GALNT10: variants seen among roughly 807,000 people sequenced by gnomAD.
GALNT10 encodes the protein GalNAc transferase 10.
Under a neutral mutation model 75.0 loss-of-function variants are expected in GALNT10, and 41 were observed. The ratio of observed to expected loss-of-function variants is 0.55; its 90% CI spans 0.43 to 0.71. The LOEUF (loss-of-function observed/expected upper bound fraction) is 0.71. Among genes scored for constraint, GALNT10 ranks in the 30% least tolerant of loss-of-function variants. GALNT10 has a pLI of 0.00. For missense variants in GALNT10, 727 were observed against 818.5 expected, an observed-to-expected ratio of 0.89 and a Z score of 1.36; for synonymous variants, 302 against 313.0, an observed-to-expected ratio of 0.96 and a Z score of 0.37.
chr5:154,251,958 ATAAAT>A (rs1191073877), intron 1 of GALNT10, among the ~76,000 whole-genome samples: 1 of 151,394 alleles, frequency 6.6e-6, no homozygotes, highest in African/African-American at 2.4e-5. Context: ...TCATAAATAT[ATAAAT>A]TAAAGACTGT....
intron 4 of GALNT10, among the ~76,000 whole-genome samples, chr5:154,343,331 G>A (rs1450115025): frequency 6.6e-6 from 1 of 152,210 alleles, no homozygotes; most frequent in Non-Finnish European, 1.5e-5. Flanking sequence ...CTGACACCCA[G>A]AGAGGGGAAA....
intron 1 of GALNT10, among the ~76,000 whole-genome samples, chr5:154,236,869 G>A (rs910870165): frequency 4.6e-5 from 7 of 152,224 alleles, no homozygotes; most frequent in African/African-American, 1.4e-4. Flanking sequence ...GCCAGGCTGC[G>A]CTGTGCCCTT....
At position 154,351,468 on chromosome 5, in the gene GALNT10, C is replaced by T. The variant is rs998300287; in HGVS notation, c.568+21730C>T. Among the ~76,000 whole-genome samples the T allele has an allele frequency of 8.5e-5, 13 of 152,318 alleles. No homozygotes were observed. The East Asian group carries it at 9.6e-4, about 11-fold the overall frequency. ...CACAGAAGATTTCTGTGTTTTACTG[C>T]TTGCTTTTATGTGTTTTCCAAATTT... is the stretch of plus-strand genomic sequence containing the variant. On this transcript the variant is annotated intron_variant, in intron 4 of 11. Coordinates refer to ENST00000297107, the MANE Select transcript of GALNT10 (RefSeq NM_198321.4).
intron 1 of GALNT10, among the ~76,000 whole-genome samples, chr5:154,197,838 G>A (rs954625559): frequency 4.6e-5 from 7 of 152,180 alleles, no homozygotes; most frequent in East Asian, 3.9e-4. Context: ...ACTGAAGCTC[G>A]AAGAGGGGCA....
intron 10 of GALNT10, among the ~76,000 whole-genome samples, chr5:154,415,447 CA>C (rs1327243216): frequency 4.6e-5 from 7 of 152,182 alleles, no homozygotes; most frequent in Non-Finnish European, 1.5e-5. Context: ...AAGTGATTCT[CA>C]TTGCCTCAGC....
chr5:154,277,197 T>C (rs1753965032), intron 1 of GALNT10, among the ~76,000 whole-genome samples: 1 of 151,950 alleles, frequency 6.6e-6, no homozygotes, highest in African/African-American at 2.4e-5. Context: ...GGGTCTCTCA[T>C]ATCCTTGGGG....
In GALNT10 at chr5:154,386,302, T is replaced by A. The variant is rs1227258536; in HGVS notation, c.939-11T>A. 1.2e-6 allele frequency: 2 copies of A among 1,603,314 alleles called. No individual in the cohort carries two copies. The highest frequency in any genetic ancestry group is 1.7e-6 in the Non-Finnish European group (2 of 1,170,670). ...TCTGCACCTTCACACCATGTTCTTC[T>A]TCTCTGACAGGTCTCCCGTGATGGC... On this transcript the variant is annotated splice_polypyrimidine_tract_variant and intron_variant, in intron 6 of 11. Transcript: ENST00000297107.
chr5:154,405,887 TA>T (rs397765761), intron 8 of GALNT10, among the ~76,000 whole-genome samples: 1 of 149,766 alleles, frequency 6.7e-6, no homozygotes, highest in African/African-American at 2.5e-5. Flanking sequence ...TTTTTTTTTT[TA>T]AAAGGCCCAC....
At chr5:154,265,786 G>A (rs1269903303) in intron 1 of GALNT10, among the ~76,000 whole-genome samples, 1 of 152,038 alleles carries the variant, frequency 6.6e-6, no homozygotes, top group Non-Finnish European at 1.5e-5. Flanking sequence ...AAGCAGGTGG[G>A]TTTTCGGTTT....
At chr5:154,283,893 C>A (rs970944753) in intron 1 of GALNT10, among the ~76,000 whole-genome samples, 12 of 152,142 alleles carry the variant, frequency 7.9e-5, no homozygotes, top group African/African-American at 2.4e-4. Context: ...GGGTCCTGTC[C>A]CCTGACCAAT....
At chr5:154,336,822 A>T (rs563449855) in intron 4 of GALNT10, among the ~76,000 whole-genome samples, 1 of 152,310 alleles carries the variant, frequency 6.6e-6, no homozygotes, top group African/African-American at 2.4e-5. Context: ...ACTGTGTGCT[A>T]AGTGCATTCA....
chr5:154,306,661 G>C (rs775858961), intron 3 of GALNT10, among the ~76,000 whole-genome samples: 35 of 151,852 alleles, frequency 2.3e-4, no homozygotes, highest in Non-Finnish European at 4.3e-4. Context: ...CAGAAGAAAG[G>C]ATGTGAAAAA....
At chr5:154,267,941 G>T (rs1487340235) in intron 1 of GALNT10, among the ~76,000 whole-genome samples, 1 of 152,078 alleles carries the variant, frequency 6.6e-6, no homozygotes, top group East Asian at 1.9e-4. Flanking sequence ...TGATTAACAG[G>T]ATATCCCCTT....
At chr5:154,379,573 G>T (rs116348454) in intron 5 of GALNT10, among the ~76,000 whole-genome samples, 2,778 of 152,286 alleles carry the variant, frequency 0.018, 52 homozygotes, top group Non-Finnish European at 0.026. Context: ...TGACCCAGTA[G>T]CTCACTGTTA....
At chr5:154,206,437 C>T (rs1342044085) in intron 1 of GALNT10, among the ~76,000 whole-genome samples, 1 of 152,136 alleles carries the variant, frequency 6.6e-6, no homozygotes, top group Non-Finnish European at 1.5e-5. Context: ...TGAGAGAGCT[C>T]CTAGTCTAAA....
rs1045488001 is a variant in GALNT10, at chr5:154,345,203, G to A, written c.568+15465G>A. On this transcript the variant is annotated intron_variant, in intron 4 of 11. Coordinates refer to ENST00000297107, the MANE Select transcript of GALNT10 (RefSeq NM_198321.4). ...CAAGTAAAAATTGTGTATATTTAAG[G>A]TGTACAATGTGATGATCTGATATAT... Among the ~76,000 whole-genome samples the A allele has an allele frequency of 4.6e-5, 7 of 151,972 alleles. No homozygotes were observed. The South Asian group carries it at 6.2e-4, about 14-fold the overall frequency.
chr5:154,322,413 G>A lies in GALNT10; in HGVS notation c.402-7159G>A, dbSNP rs181146104. On this transcript the variant is annotated intron_variant, in intron 3 of 11. Coordinates refer to ENST00000297107, the MANE Select transcript of GALNT10 (RefSeq NM_198321.4). ...TCTCATCTTTTAATGCAGACAGAAA[G>A]GTTCTCTGCTTTTAAAGACCCCTTG... Among the ~76,000 whole-genome samples, 276 of 152,260 alleles carry A rather than the reference G, an allele frequency of 1.8e-3. 3 individuals carry two copies. Among genetic ancestry groups the A allele is most frequent in the Non-Finnish European group, 2.2e-3 (151 of 68,022 alleles).
intron 10 of GALNT10, among the ~76,000 whole-genome samples, chr5:154,415,008 A>T (rs912382267): frequency 2.0e-5 from 3 of 152,278 alleles, no homozygotes; most frequent in African/African-American, 7.2e-5. Context: ...CTGTAATCCC[A>T]GCTACTTGGG....
intron 1 of GALNT10, among the ~76,000 whole-genome samples, chr5:154,225,972 G>A (rs1049812561): frequency 1.3e-4 from 20 of 151,944 alleles, no homozygotes; most frequent in African/African-American, 3.6e-4. Flanking sequence ...ATCACACACC[G>A]GGGCCTGTTG....
Sources: allele counts gnomAD v4.1 joint callset (sites outside exome capture counted in the v4.1 genomes callset), GRCh38; gene constraint gnomAD v4.1.1; transcripts MANE v1.5; gene names NCBI Gene and HGNC (gene_info 2026-07-23, HGNC 2026-07-21).